Variants in HNRNPUL1 observed in about 807,000 individuals in gnomAD.
HNRNPUL1 encodes heterogeneous nuclear ribonucleoprotein U-like protein 1.
Under a neutral mutation model 108.5 loss-of-function variants are expected in HNRNPUL1, and 14 were observed. The ratio of observed to expected loss-of-function variants is 0.13; its 90% CI spans 0.09 to 0.20. The LOEUF (loss-of-function observed/expected upper bound fraction) is 0.20. Ranked by LOEUF, HNRNPUL1 falls within the 10% of genes least tolerant of loss-of-function variation. The pLI, the probability that HNRNPUL1 is intolerant of heterozygous loss-of-function variation, is 1.00. For missense variants in HNRNPUL1, 804 were observed against 1,168.3 expected (o/e 0.69, Z 4.55); for synonymous variants, 422 against 445.2 (o/e 0.95, Z 0.66).
rs981851328 is a variant in HNRNPUL1 at position 41,292,350 on chromosome 19, T to C, written c.1105T>C (p.Tyr369His). ...QKEALGGQAL[Y>H]PHVLVKNCAV... The stretch of plus-strand genomic sequence containing the variant: ...GGAAGCCTTGGGGGGTCAGGCCCTC[T>C]ATCCTCATGTCCTGGTGAAGAATTG... Residue 369 changes from tyrosine to histidine, a missense_variant, in exon 8 of 15, where the codon TAT becomes CAT. Around this residue, in one of 4 missense-constraint regions of HNRNPUL1, gnomAD observed 174 missense variants for 296.6 expected, o/e 0.59. Coordinates refer to ENST00000392006, the MANE Select transcript of HNRNPUL1 (RefSeq NM_007040.6). The surrounding 1 kb of genome is among the most constrained non-coding windows in gnomAD (Gnocchi z 4.1). 6.2e-7 allele frequency: 1 copy of C among 1,614,258 alleles called. No individual in the cohort carries two copies. The highest frequency in any genetic ancestry group is 8.5e-7 in the Non-Finnish European group (1 of 1,180,052).
chr19:41,306,377 G>C, intron 14 of HNRNPUL1, 72 bp from the exon 15 acceptor site: 1 of 966,002 alleles, frequency 1.0e-6, no homozygotes, highest in Non-Finnish European at 1.5e-6. Flanking sequence ...CCTAGGTGAG[G>C]GTGGGGCTGG....
intron 2 of HNRNPUL1, among the ~76,000 whole-genome samples, chr19:41,270,206 C>T (rs1158912827): frequency 6.6e-6 from 1 of 152,084 alleles, no homozygotes; most frequent in Non-Finnish European, 1.5e-5. Flanking sequence ...TGGTCTCAAA[C>T]TCTTGACCTC....
At chr19:41,269,327 A>G (rs2035064643) in intron 2 of HNRNPUL1, among the ~76,000 whole-genome samples, 1 of 151,750 alleles carries the variant, frequency 6.6e-6, no homozygotes, top group Non-Finnish European at 1.5e-5. Flanking sequence ...TTAGCCAGGC[A>G]TGGCTATGAC....
intron 7 of HNRNPUL1, among the ~76,000 whole-genome samples, chr19:41,288,644 G>T (rs763762305): frequency 3.3e-5 from 5 of 152,052 alleles, no homozygotes; most frequent in African/African-American, 1.2e-4. Context: ...TTAACCTAGC[G>T]CCTCCCTTTG....
chr19:41,268,190 C>T (rs772774819), intron 1 of HNRNPUL1, 33 bp from the exon 2 acceptor site: 1 of 1,607,642 alleles, frequency 6.2e-7, no homozygotes, highest in East Asian at 2.2e-5. Context: ...ATGAACCGCC[C>T]CTCTAATTGG....
At position 41,306,588 on chromosome 19, in the gene HNRNPUL1, G is replaced by A. The variant is rs201085940; in HGVS notation, c.*23G>A. On this transcript the variant is annotated 3_prime_UTR_variant, in exon 15 of 15. Transcript: ENST00000392006. ...TAGCCAGTGTGACCCAGAGGCTCCC[G>A]GAGGCCCCTGCCGGCTTCCTCCACC... 1.3e-5 allele frequency: 19 copies of A among 1,427,878 alleles called. No individual in the cohort carries two copies. The highest frequency in any genetic ancestry group is 1.9e-4 in the Middle Eastern group (1 of 5,162). 88.5% of individuals were successfully genotyped at this position (1,427,878 alleles called of 1,614,324 possible). A position where few individuals can be genotyped will look rare whatever the true frequency, so the allele number is the denominator to read the frequency against.
intron 7 of HNRNPUL1, among the ~76,000 whole-genome samples, chr19:41,291,362 C>G (rs778967321): frequency 2.0e-5 from 3 of 152,148 alleles, no homozygotes; most frequent in Non-Finnish European, 4.4e-5. Flanking sequence ...AGAAAGAGTA[C>G]GAACTCAGGG....
rs376619314 is a variant in HNRNPUL1 at position 41,292,852 on chromosome 19, T to G, written c.1266+341T>G. Among the ~76,000 whole-genome samples the G allele has an allele frequency of 2.3e-4, 35 of 152,146 alleles. No homozygotes were observed. The highest frequency in any genetic ancestry group is 8.2e-4 in the African/African-American group (34 of 41,428). ...TGCACTGTGCCACCAAGTGTTCTTT[T>G]TTTTTCTTTAGAGACAGGGTCTCGC... On this transcript the variant is annotated intron_variant, in intron 8 of 14. Coordinates refer to ENST00000392006, the MANE Select transcript of HNRNPUL1 (RefSeq NM_007040.6). This position sits in a 1 kb window ranked among gnomAD's most constrained non-coding sequence, Gnocchi z 4.1.
chr19:41,296,187 G>T (rs952968639), intron 10 of HNRNPUL1, among the ~76,000 whole-genome samples: 5 of 152,176 alleles, frequency 3.3e-5, no homozygotes, highest in Non-Finnish European at 7.3e-5. Context: ...CAAATATGTG[G>T]CCTAGGGGAG....
intron 2 of HNRNPUL1, among the ~76,000 whole-genome samples, chr19:41,269,853 CT>C (rs2035108644): frequency 6.6e-6 from 1 of 152,148 alleles, no homozygotes; most frequent in South Asian, 2.1e-4. Context: ...AATCCCAACA[CT>C]TTGGGAGGCT....
intron 7 of HNRNPUL1, 84 bp downstream of exon 7, chr19:41,281,359 T>G: frequency 1.2e-6 from 1 of 838,314 alleles, no homozygotes. Context: ...ATCCATTGTC[T>G]GCCCCATATC....
intron 4 of HNRNPUL1, among the ~76,000 whole-genome samples, chr19:41,275,356 A>T (rs368051554): frequency 3.3e-5 from 5 of 152,126 alleles, no homozygotes; most frequent in African/African-American, 1.2e-4. Context: ...GCATGGTGGC[A>T]TATCCCTGTA....
intron 10 of HNRNPUL1, among the ~76,000 whole-genome samples, chr19:41,297,309 G>A (rs2036949114): frequency 6.6e-6 from 1 of 152,232 alleles, no homozygotes; most frequent in Non-Finnish European, 1.5e-5. Flanking sequence ...CTTTCTGGAG[G>A]TGGAATGTCT....
chr19:41,274,669 G>A (rs889347568), intron 4 of HNRNPUL1, among the ~76,000 whole-genome samples: 3 of 152,150 alleles, frequency 2.0e-5, no homozygotes, highest in African/African-American at 7.2e-5. Context: ...CTAAGTGGTC[G>A]AGCCTATGAA....
chr19:41,289,109 C>T (rs1056921444), intron 7 of HNRNPUL1, among the ~76,000 whole-genome samples: 7 of 152,040 alleles, frequency 4.6e-5, no homozygotes, highest in African/African-American at 1.7e-4. Flanking sequence ...TCTGTTCTTT[C>T]AGAGTATGAG....
At chr19:41,278,595 AT>A (rs2035715775) in intron 5 of HNRNPUL1, among the ~76,000 whole-genome samples, 1 of 151,684 alleles carries the variant, frequency 6.6e-6, no homozygotes. Flanking sequence ...ATGTGCATTT[AT>A]GGGGTTTTGT....
At chr19:41,265,753 G>A (rs1455818847) in intron 1 of HNRNPUL1, among the ~76,000 whole-genome samples, 1 of 152,030 alleles carries the variant, frequency 6.6e-6, no homozygotes. Flanking sequence ...TGGGATGGGG[G>A]CAGATGAGTT....
Position 41,292,534 on chromosome 19 carries a change from G to T in HNRNPUL1, c.1266+23G>T. The stretch of plus-strand genomic sequence containing the variant: ...GAGGTGAGTGGGGCCAGAATGTATT[G>T]GTGGCCACCTTGCTGCCAAGACAGA... On this transcript the variant is annotated intron_variant, in intron 8 of 14. Coordinates refer to ENST00000392006, the MANE Select transcript of HNRNPUL1 (RefSeq NM_007040.6). The surrounding 1 kb of genome is among the most constrained non-coding windows in gnomAD (Gnocchi z 4.1). 1 of 1,597,280 alleles carries T rather than the reference G, an allele frequency of 6.3e-7. No homozygotes were observed. Among genetic ancestry groups the T allele is most frequent in the South Asian group, 1.1e-5 (1 of 90,784 alleles).
In HNRNPUL1 at chr19:41,305,798, C is replaced by T; in HGVS notation, c.2385C>T (p.Ala795=). Reference sequence around the variant, plus strand: ...GGAGCTACGGCGGTTACAACCCGGCCCCCTATACCCCACCGCCACCCCCCA... The same window carrying T: ...GGAGCTACGGCGGTTACAACCCGGCTCCCTATACCCCACCGCCACCCCCCA... The part of the protein sequence containing the change: ...NYGSYGGYNP[A]PYTPPPPPTA... Residue 795 remains alanine (A), a synonymous_variant, in exon 14 of 15, where the codon GCC becomes GCT. Coordinates refer to ENST00000392006, the MANE Select transcript of HNRNPUL1 (RefSeq NM_007040.6). The T allele has an allele frequency of 1.9e-6, 3 of 1,611,594 alleles. No homozygotes were observed. The highest frequency in any genetic ancestry group is 8.5e-7 in the Non-Finnish European group (1 of 1,178,114).
Sources: allele counts gnomAD v4.1 joint callset (sites outside exome capture counted in the v4.1 genomes callset), GRCh38; gene constraint gnomAD v4.1.1; regional missense constraint gnomAD v4.1.1; non-coding constraint Gnocchi (gnomAD v3.1); transcripts MANE v1.5; gene names NCBI Gene and HGNC (gene_info 2026-07-23, HGNC 2026-07-21).